EDIL3: variants seen among roughly 807,000 people sequenced by gnomAD.
EDIL3 encodes the protein EGF-like repeat and discoidin I-like domain-containing protein 3.
A neutral mutation model predicts 67.4 loss-of-function variants in EDIL3; 37 were observed. The observed-to-expected ratio is 0.55, with a 90% CI of 0.42 to 0.72. EDIL3 has a LOEUF of 0.72. EDIL3 is among the 30% of genes least tolerant of loss of function. EDIL3 has a pLI of 0.00. For synonymous variants in EDIL3, 195 were observed against 196.3 expected, an observed-to-expected ratio of 0.99 and a Z score of 0.05; for missense variants, 527 against 586.3, an observed-to-expected ratio of 0.90 and a Z score of 1.04.
intron 9 of EDIL3, among the ~76,000 whole-genome samples, chr5:84,006,361 A>G (rs778632050): frequency 6.6e-6 from 1 of 151,778 alleles, no homozygotes; most frequent in African/African-American, 2.4e-5. Flanking sequence ...AACAAAACAA[A>G]ACAAAACAAA....
chr5:84,258,169 T>A (rs1400674117), intron 1 of EDIL3, among the ~76,000 whole-genome samples: 1 of 152,186 alleles, frequency 6.6e-6, no homozygotes, highest in Non-Finnish European at 1.5e-5. Context: ...GTAGCATGCT[T>A]TAATCAGATG....
At chr5:84,352,603 T>C (rs1363982778) in intron 1 of EDIL3, among the ~76,000 whole-genome samples, 2 of 152,016 alleles carry the variant, frequency 1.3e-5, no homozygotes, top group Non-Finnish European at 2.9e-5. Flanking sequence ...CACACGGACA[T>C]ACAGAGTAGA....
At chr5:84,340,615 ACT>A (rs1232005499) in intron 1 of EDIL3, among the ~76,000 whole-genome samples, 9 of 143,042 alleles carry the variant, frequency 6.3e-5, no homozygotes, top group African/African-American at 2.3e-4. Context: ...TAAAAATTGA[ACT>A]CTCTATTACC....
At position 83,943,344 on chromosome 5, in the gene EDIL3, C is replaced by A; in HGVS notation, c.*75G>T. On this transcript the variant is annotated 3_prime_UTR_variant, in exon 11 of 11. Transcript: ENST00000296591. Reference sequence around the variant, plus strand: ...AAAAAAAAAACCATTCAGTTTCCTACAGATTTTGCACAGTTCATTCCATGG... The same window carrying A: ...AAAAAAAAAACCATTCAGTTTCCTAAAGATTTTGCACAGTTCATTCCATGG... The A allele has an allele frequency of 3.3e-6, 5 of 1,510,470 alleles. No homozygotes were observed. Among genetic ancestry groups the A allele is most frequent in the Non-Finnish European group, 4.5e-6 (5 of 1,110,762 alleles). The allele number at this position is 1,510,470 out of a possible 1,614,324, so 93.6% of individuals were successfully genotyped here. A position where few individuals can be genotyped will look rare whatever the true frequency, so the allele number is the denominator to read the frequency against.
rs371774315 is a variant in EDIL3, at chr5:84,021,192, A to T, written c.1137+39108T>A. On this transcript the variant is annotated intron_variant, in intron 9 of 10. Coordinates refer to ENST00000296591, the MANE Select transcript of EDIL3 (RefSeq NM_005711.5). ...TTTCAAAAAAATTCTTCATTTTGTG[A>T]TCCTTTTTTTTCAATTTCCATTTTG... Among the ~76,000 whole-genome samples, 21 of 148,156 alleles carry T rather than the reference A, an allele frequency of 1.4e-4. No homozygotes were observed. In the East Asian group the frequency reaches 4.2e-3, roughly 30 times the overall value.
At chr5:84,180,003 G>GT (rs199614985) in intron 4 of EDIL3, among the ~76,000 whole-genome samples, 53 of 114,464 alleles carry the variant, frequency 4.6e-4, no homozygotes, top group Admixed American at 9.7e-4. Context: ...GCAGTTTTGT[G>GT]TTTTGTTTTT....
intron 2 of EDIL3, among the ~76,000 whole-genome samples, chr5:84,231,895 C>A (rs1431524878): frequency 6.6e-6 from 1 of 152,102 alleles, no homozygotes; most frequent in Non-Finnish European, 1.5e-5. Context: ...AAAAAAAATC[C>A]TTACACTTAT....
intron 5 of EDIL3, among the ~76,000 whole-genome samples, chr5:84,114,806 G>T (rs891060371): frequency 3.9e-5 from 6 of 152,064 alleles, no homozygotes; most frequent in Admixed American, 1.3e-4. Flanking sequence ...GTATTTCGCT[G>T]GGAAAACATT....
At chr5:84,230,195 T>A (rs1248276151) in intron 2 of EDIL3, among the ~76,000 whole-genome samples, 2 of 152,130 alleles carry the variant, frequency 1.3e-5, no homozygotes, top group African/African-American at 4.8e-5. Flanking sequence ...GCAAATAAGA[T>A]TAACCTTAGT....
chr5:83,985,922 T>C (rs1344874888), intron 9 of EDIL3, among the ~76,000 whole-genome samples: 3 of 152,066 alleles, frequency 2.0e-5, no homozygotes, highest in Non-Finnish European at 4.4e-5. Context: ...TGGGTCATTC[T>C]GATGTTGGAA....
intron 9 of EDIL3, among the ~76,000 whole-genome samples, chr5:84,023,670 G>C (rs1173510321): frequency 1.3e-5 from 2 of 152,034 alleles, no homozygotes; most frequent in African/African-American, 4.8e-5. Context: ...TGGCTACTCA[G>C]ATTGCATTGA....
chr5:84,240,760 C>T (rs1744779532), intron 2 of EDIL3, among the ~76,000 whole-genome samples: 1 of 152,140 alleles, frequency 6.6e-6, no homozygotes, highest in Non-Finnish European at 1.5e-5. Flanking sequence ...GAATACAGAT[C>T]CACATTACCT....
In EDIL3 at chr5:83,940,658, C is replaced by T. The variant is rs929612488; in HGVS notation, c.*2761G>A. The T allele has an allele frequency of 6.6e-6, 1 of 151,836 alleles. No homozygotes were observed. Among genetic ancestry groups the T allele is most frequent in the African/African-American group, 2.4e-5 (1 of 41,372 alleles). The allele number at this position is 151,836 out of a possible 1,614,324, so 9.4% of individuals were successfully genotyped here. ...AGACAAGGTCATACTGGTTTTACATCCTACGTGATATAAGTATATATACAA... is the reference window on the plus strand; with the variant it reads ...AGACAAGGTCATACTGGTTTTACATTCTACGTGATATAAGTATATATACAA... On this transcript the variant is annotated 3_prime_UTR_variant, in exon 11 of 11. Transcript: ENST00000296591.
chr5:83,988,856 A>G (rs1223572560), intron 9 of EDIL3, among the ~76,000 whole-genome samples: 1 of 152,188 alleles, frequency 6.6e-6, no homozygotes, highest in Non-Finnish European at 1.5e-5. Flanking sequence ...AAAATGCAAT[A>G]AAGAGTAATA....
chr5:84,370,079 CT>C (rs1747813310), intron 1 of EDIL3, among the ~76,000 whole-genome samples: 1 of 152,108 alleles, frequency 6.6e-6, no homozygotes, highest in Admixed American at 6.6e-5. Flanking sequence ...TTTTATACAC[CT>C]TTTTCCATTC....
intron 9 of EDIL3, among the ~76,000 whole-genome samples, chr5:84,046,445 T>C (rs891575074): frequency 6.6e-6 from 1 of 152,170 alleles, no homozygotes; most frequent in Admixed American, 6.5e-5. Flanking sequence ...AATCATCTCA[T>C]AGGCTTCCTG....
chr5:84,262,729 T>A (rs1272202151), intron 1 of EDIL3, among the ~76,000 whole-genome samples: 1 of 137,298 alleles, frequency 7.3e-6, no homozygotes, highest in Non-Finnish European at 1.5e-5. Context: ...TAGAGTGCAG[T>A]AGTATGATCT....
At chr5:84,083,306 T>C (rs184290530) in intron 6 of EDIL3, among the ~76,000 whole-genome samples, 1 of 152,156 alleles carries the variant, frequency 6.6e-6, no homozygotes, top group East Asian at 1.9e-4. Context: ...ATGAGCATGC[T>C]GGAAAGATGA....
At chr5:84,064,319 C>A (rs1178341324) in intron 8 of EDIL3, among the ~76,000 whole-genome samples, 3 of 152,078 alleles carry the variant, frequency 2.0e-5, no homozygotes, top group Admixed American at 6.6e-5. Flanking sequence ...CATAGCTTAA[C>A]CTTTACTGCA....
Sources: gnomAD v4.1 joint callset for allele counts (sites outside exome capture counted in the v4.1 genomes callset) on GRCh38, gnomAD v4.1.1 for gene constraint, MANE v1.5 for transcripts, NCBI Gene and HGNC (gene_info 2026-07-23, HGNC 2026-07-21) for gene names.